The following ENTREP2 variants were observed in gnomAD, a reference collection of about 807,000 sequenced individuals.
The protein encoded by ENTREP2 is endosomal transmembrane epsin interactor 2, also known as protein ENTREP2.
the ENTREP2 span, chr15:29,381,716 C>T: frequency 2.8e-6 from 4 of 1,419,864 alleles, no homozygotes; most frequent in African/African-American, 4.3e-5. Flanking sequence ...CCAACCTGCT[C>T]ACGCATCTGA....
chr15:29,636,101 T>C, the ENTREP2 span, among the ~76,000 whole-genome samples: 2 of 152,208 alleles, frequency 1.3e-5, no homozygotes, highest in Non-Finnish European at 2.9e-5. Flanking sequence ...TGCCTGGTGC[T>C]AAAGCAGGCC....
chr15:29,226,676 GGA>G, the ENTREP2 span, among the ~76,000 whole-genome samples: 1 of 152,170 alleles, frequency 6.6e-6, no homozygotes, highest in Admixed American at 6.5e-5. Flanking sequence ...GCTCTTCCGA[GGA>G]CCCTGGCGAC....
At chr15:29,413,324 C>A in the ENTREP2 span, among the ~76,000 whole-genome samples, 2 of 151,846 alleles carry the variant, frequency 1.3e-5, no homozygotes, top group East Asian at 3.9e-4. Context: ...TCTGATAGAT[C>A]AACAATCAAT....
chr15:29,454,628 C>T, the ENTREP2 span, among the ~76,000 whole-genome samples: 2 of 152,150 alleles, frequency 1.3e-5, no homozygotes, highest in South Asian at 4.1e-4. Context: ...GGCCCCAATG[C>T]CCCCCACCTC....
chr15:29,561,410 G>A, the ENTREP2 span, among the ~76,000 whole-genome samples: 247 of 152,276 alleles, frequency 1.6e-3, no homozygotes, highest in African/African-American at 5.7e-3. Flanking sequence ...GGAATGGGCC[G>A]GGTGTGGTGG....
the ENTREP2 span, among the ~76,000 whole-genome samples, chr15:29,484,994 C>T: frequency 6.6e-6 from 1 of 152,112 alleles, no homozygotes; most frequent in African/African-American, 2.4e-5. Context: ...GCTTTAACCC[C>T]AAGACTCACC....
the ENTREP2 span, among the ~76,000 whole-genome samples, chr15:29,238,335 G>A: frequency 2.6e-5 from 4 of 152,120 alleles, no homozygotes; most frequent in African/African-American, 9.7e-5. Flanking sequence ...TATGATACAT[G>A]AGTGTATTAG....
the ENTREP2 span, among the ~76,000 whole-genome samples, chr15:29,156,554 T>C: frequency 2.6e-5 from 4 of 152,114 alleles, no homozygotes; most frequent in Admixed American, 1.3e-4. Flanking sequence ...CACAGAACTA[T>C]AGATGGAGTA....
chr15:29,275,554 G>GA, the ENTREP2 span, among the ~76,000 whole-genome samples: 1 of 152,108 alleles, frequency 6.6e-6, no homozygotes, highest in Non-Finnish European at 1.5e-5. Context: ...AGACCCAAAA[G>GA]AAAAAATCAA....
the ENTREP2 span, among the ~76,000 whole-genome samples, chr15:29,296,990 T>TA: frequency 6.6e-6 from 1 of 152,160 alleles, no homozygotes; most frequent in Non-Finnish European, 1.5e-5. Context: ...CTGTGACCCA[T>TA]AAACCCTGGT....
the ENTREP2 span, among the ~76,000 whole-genome samples, chr15:29,436,920 CT>C: frequency 2.0e-3 from 304 of 152,316 alleles, 1 homozygote; most frequent in African/African-American, 6.9e-3. Context: ...GTCATATTTA[CT>C]TTGTTTTCCA....
the ENTREP2 span, among the ~76,000 whole-genome samples, chr15:29,395,534 CTTTTTT>C: frequency 1.4e-5 from 2 of 141,000 alleles, no homozygotes; most frequent in African/African-American, 2.6e-5. Flanking sequence ...TTTTTTCTTT[CTTTTTT>C]TTTTTTTGAG....
chr15:29,506,739 C>G, the ENTREP2 span, among the ~76,000 whole-genome samples: 2 of 152,170 alleles, frequency 1.3e-5, no homozygotes, highest in African/African-American at 4.8e-5. Flanking sequence ...GCCTGCCTTA[C>G]AAGACCTCCT....
the ENTREP2 span, among the ~76,000 whole-genome samples, chr15:29,424,467 G>A: frequency 2.0e-5 from 3 of 152,114 alleles, no homozygotes; most frequent in African/African-American, 7.2e-5. Flanking sequence ...ATCCCCACCT[G>A]ACCCAGAAGC....
At chr15:29,474,328 G>A in the ENTREP2 span, among the ~76,000 whole-genome samples, 2 of 152,110 alleles carry the variant, frequency 1.3e-5, no homozygotes, top group South Asian at 2.1e-4. Context: ...TGCGCCCGGC[G>A]TCAGGGCACC....
chr15:29,478,544 T>C, the ENTREP2 span, among the ~76,000 whole-genome samples: 238 of 152,134 alleles, frequency 1.6e-3, 1 homozygote, highest in African/African-American at 5.3e-3. Context: ...GTTTGGATCA[T>C]GGGGGCAGAT....
the ENTREP2 span, among the ~76,000 whole-genome samples, chr15:29,444,170 CAAAGAAAGAAAGAAAGAAAGAAAGAAAG>C: frequency 4.9e-3 from 348 of 71,528 alleles, 4 homozygotes; most frequent in Middle Eastern, 0.023. Flanking sequence ...GAAAGACAGA[CAAAGAAAGAAAGAAAGAAAGAAAGAAAG>C]AAAGAAAGAA....
At chr15:29,337,210 TGGAAATGCTAA>T in the ENTREP2 span, among the ~76,000 whole-genome samples, 1 of 152,138 alleles carries the variant, frequency 6.6e-6, no homozygotes, top group Non-Finnish European at 1.5e-5. Context: ...TGGAGGAATG[TGGAAATGCTAA>T]GGGAAAGCAT....
At chr15:29,179,825 G>A in the ENTREP2 span, among the ~76,000 whole-genome samples, 3 of 152,016 alleles carry the variant, frequency 2.0e-5, no homozygotes, top group South Asian at 2.1e-4. Flanking sequence ...GATCTCGTGA[G>A]CTGCCCACCT....
Sources: allele counts gnomAD v4.1 joint callset (sites outside exome capture counted in the v4.1 genomes callset), GRCh38; gene constraint gnomAD v4.1.1; transcripts MANE v1.5; gene names NCBI Gene and HGNC (gene_info 2026-07-23, HGNC 2026-07-21).